Variants in ROBO2 observed in about 807,000 individuals in gnomAD.
ROBO2 encodes roundabout homolog 2.
Under a neutral mutation model 160.8 loss-of-function variants are expected in ROBO2, and 53 were observed. That is an observed-to-expected ratio of 0.33 (90% CI 0.26 to 0.41). The LOEUF is 0.41. Among genes scored for constraint, ROBO2 ranks in the 10% least tolerant of loss-of-function variants. The probability of loss-of-function intolerance (pLI) is 1.00; values close to 1 mark genes in which losing one functional copy is unlikely to be tolerated. For missense variants in ROBO2, 1,577 were observed against 1,722.4 expected (o/e 0.92, Z 1.49); for synonymous variants, 664 against 611.7 (o/e 1.09, Z -1.26).
rs572228255 is a variant in ROBO2, at chr3:77,573,854, T to A, written c.1972-645T>A. On this transcript the variant is annotated intron_variant, in intron 13 of 25. Coordinates refer to ENST00000461745, the Ensembl canonical transcript of ROBO2. Reference sequence around the variant, plus strand: ...TTCTTAACATTTGTTTATGCTTTTTTTTTTATGATTGTAACTTGACCATGG... The same window carrying A: ...TTCTTAACATTTGTTTATGCTTTTTATTTTATGATTGTAACTTGACCATGG... Among the ~76,000 whole-genome samples the A allele has an allele frequency of 2.0e-5, 3 of 152,086 alleles. No homozygotes were observed. In the East Asian group the frequency reaches 5.8e-4, roughly 30 times the overall value.
At chr3:76,719,871 G>A (rs1408675714) in intron 2 of ROBO2, among the ~76,000 whole-genome samples, 1 of 115,082 alleles carries the variant, frequency 8.7e-6, no homozygotes, top group Non-Finnish European at 1.8e-5. Context: ...GTGACAGAGT[G>A]AGACTGTGTC....
At chr3:76,000,278 G>C (rs931973140) in intron 2 of ROBO2, among the ~76,000 whole-genome samples, 1 of 151,984 alleles carries the variant, frequency 6.6e-6, no homozygotes, top group Non-Finnish European at 1.5e-5. Context: ...GAAGAAAGAG[G>C]TTTCTTTCTT....
At chr3:77,391,886 T>G (rs1390535205) in intron 2 of ROBO2, among the ~76,000 whole-genome samples, 1 of 152,112 alleles carries the variant, frequency 6.6e-6, no homozygotes, top group East Asian at 1.9e-4. Flanking sequence ...TGTAAAGTGA[T>G]GTACTTTAGA....
chr3:77,598,468 A>G (rs994687515), intron 19 of ROBO2, among the ~76,000 whole-genome samples: 4 of 145,904 alleles, frequency 2.7e-5, no homozygotes, highest in East Asian at 2.0e-4. Flanking sequence ...TAGAATATAT[A>G]TATTTATTTA....
At chr3:77,139,774 G>T (rs1484161757) in intron 2 of ROBO2, among the ~76,000 whole-genome samples, 2 of 152,170 alleles carry the variant, frequency 1.3e-5, no homozygotes, top group Admixed American at 6.5e-5. Flanking sequence ...CTCTGAAGTT[G>T]GACAGCAGCC....
At chr3:77,002,557 A>G (rs1160024145) in intron 2 of ROBO2, among the ~76,000 whole-genome samples, 1 of 152,002 alleles carries the variant, frequency 6.6e-6, no homozygotes, top group African/African-American at 2.4e-5. Context: ...GATTCTACTT[A>G]TAGTTTAGTA....
intron 2 of ROBO2, among the ~76,000 whole-genome samples, chr3:76,161,895 A>G (rs1305926622): frequency 2.0e-5 from 3 of 152,180 alleles, no homozygotes; most frequent in Non-Finnish European, 4.4e-5. Context: ...TGTGCATTTG[A>G]GCATGTTAAA....
intron 1 of ROBO2, among the ~76,000 whole-genome samples, chr3:75,911,800 C>T (rs1429060800): frequency 1.3e-5 from 2 of 151,882 alleles, no homozygotes; most frequent in South Asian, 2.1e-4. Context: ...TCGTGATCCG[C>T]CCGTCTCGGC....
intron 2 of ROBO2, among the ~76,000 whole-genome samples, chr3:76,411,255 A>G (rs1260374736): frequency 1.3e-5 from 2 of 152,122 alleles, no homozygotes; most frequent in Admixed American, 6.5e-5. Flanking sequence ...CAAGGTTTCT[A>G]TCATGGCCAG....
intron 2 of ROBO2, among the ~76,000 whole-genome samples, chr3:77,210,278 T>C (rs978569001): frequency 6.6e-6 from 1 of 152,090 alleles, no homozygotes; most frequent in African/African-American, 2.4e-5. Flanking sequence ...CATTTTCTTC[T>C]AGTAATTATT....
At chr3:76,438,113 G>T (rs1305483842) in intron 2 of ROBO2, among the ~76,000 whole-genome samples, 2 of 152,094 alleles carry the variant, frequency 1.3e-5, no homozygotes, top group East Asian at 3.9e-4. Flanking sequence ...GCAAGCCACA[G>T]CATTTATAAG....
At chr3:76,020,704 C>G (rs1424169950) in intron 2 of ROBO2, among the ~76,000 whole-genome samples, 24 of 151,800 alleles carry the variant, frequency 1.6e-4, no homozygotes, top group Admixed American at 1.6e-3. Context: ...TTCACACAGA[C>G]TCTGTGGTTT....
intron 2 of ROBO2, among the ~76,000 whole-genome samples, chr3:77,293,358 C>A (rs13090908): frequency 7.0e-6 from 1 of 143,322 alleles, no homozygotes; most frequent in African/African-American, 2.6e-5. Context: ...GTAAAATTGA[C>A]GATTAAACGG....
chr3:77,288,011 T>C (rs1388534012), intron 2 of ROBO2, among the ~76,000 whole-genome samples: 1 of 152,206 alleles, frequency 6.6e-6, no homozygotes, highest in Non-Finnish European at 1.5e-5. Context: ...AAAGTAGATA[T>C]TTCAGTGTAC....
chr3:77,185,848 A>T (rs2150894630), intron 2 of ROBO2, among the ~76,000 whole-genome samples: 1 of 152,096 alleles, frequency 6.6e-6, no homozygotes, highest in South Asian at 2.1e-4. Context: ...CTAGTCAGCC[A>T]TAAAAAGGAA....
chr3:76,776,047 A>G (rs2062229219), intron 2 of ROBO2, among the ~76,000 whole-genome samples: 1 of 150,798 alleles, frequency 6.6e-6, no homozygotes, highest in Non-Finnish European at 1.5e-5. Flanking sequence ...AATTCAATTT[A>G]ATACTTATCT....
At chr3:76,151,121 C>A (rs2072180743) in intron 2 of ROBO2, among the ~76,000 whole-genome samples, 1 of 152,098 alleles carries the variant, frequency 6.6e-6, no homozygotes, top group African/African-American at 2.4e-5. Context: ...ATCCTTGTGA[C>A]CTTATTATAA....
At chr3:76,373,989 G>A (rs1393421297) in intron 2 of ROBO2, among the ~76,000 whole-genome samples, 2 of 151,840 alleles carry the variant, frequency 1.3e-5, no homozygotes, top group African/African-American at 4.8e-5. Flanking sequence ...AACAGTCTAG[G>A]GAGAGTTTGT....
intron 2 of ROBO2, among the ~76,000 whole-genome samples, chr3:75,996,893 G>A (rs1036761093): frequency 6.6e-6 from 1 of 151,982 alleles, no homozygotes. Flanking sequence ...TACTCACTAT[G>A]CTGCATGATC....
Sources: allele counts gnomAD v4.1 joint callset (sites outside exome capture counted in the v4.1 genomes callset), GRCh38; gene constraint gnomAD v4.1.1; transcripts MANE v1.5; gene names NCBI Gene and HGNC (gene_info 2026-07-23, HGNC 2026-07-21).